STPG2: variants seen among roughly 807,000 people sequenced by gnomAD.
STPG2 encodes the protein sperm-tail PG-rich repeat-containing protein 2.
Under a neutral mutation model 54.2 loss-of-function variants are expected in STPG2, and 56 were observed. The observed-to-expected ratio is 1.03, with a 90% CI of 0.83 to 1.29. The LOEUF (loss-of-function observed/expected upper bound fraction) is 1.29. Ranked by LOEUF, STPG2 falls within the 50% of genes most tolerant of loss-of-function variation. The pLI is 0.00. For synonymous variants in STPG2, 200 were observed against 181.8 expected, an observed-to-expected ratio of 1.10 and a Z score of -0.81; for missense variants, 596 against 544.9, an observed-to-expected ratio of 1.09 and a Z score of -0.93.
intron 10 of STPG2, among the ~76,000 whole-genome samples, chr4:97,576,437 A>C (rs572935275): frequency 3.3e-5 from 5 of 152,104 alleles, no homozygotes; most frequent in Non-Finnish European, 7.4e-5. Flanking sequence ...TATGGAACAG[A>C]ATAGAGAACC....
chr4:97,509,780 G>A (rs1474858575), intron 4 of STPG2, among the ~76,000 whole-genome samples: 1 of 152,072 alleles, frequency 6.6e-6, no homozygotes, highest in African/African-American at 2.4e-5. Context: ...AGTGGTTTGT[G>A]CTTCAGAATT....
At chr4:97,631,598 T>C (rs992461456) in intron 10 of STPG2, among the ~76,000 whole-genome samples, 2 of 152,066 alleles carry the variant, frequency 1.3e-5, no homozygotes, top group Non-Finnish European at 2.9e-5. Context: ...TGATTTGAAA[T>C]TCTAAAAGCA....
chr4:97,865,789 T>C (rs891617068), intron 8 of STPG2, among the ~76,000 whole-genome samples: 1 of 152,054 alleles, frequency 6.6e-6, no homozygotes, highest in South Asian at 2.1e-4. Context: ...ACATGGCAGA[T>C]GTATACATAT....
chr4:98,051,000 A>G (rs4270593), intron 5 of STPG2, among the ~76,000 whole-genome samples: 59,077 of 150,454 alleles, frequency 0.39, 11,837 homozygotes, highest in Middle Eastern at 0.45. Flanking sequence ...GAGAGACTCC[A>G]TCTCAAAAAA....
At chr4:97,876,937 C>T (rs1056937252) in intron 8 of STPG2, among the ~76,000 whole-genome samples, 13 of 151,956 alleles carry the variant, frequency 8.6e-5, no homozygotes, top group African/African-American at 3.1e-4. Context: ...AAGATATTGT[C>T]CATTTTCAAT....
chr4:97,910,873 T>A (rs1180642500), intron 8 of STPG2, among the ~76,000 whole-genome samples: 2 of 152,124 alleles, frequency 1.3e-5, no homozygotes, highest in Non-Finnish European at 2.9e-5. Context: ...GATGACCAAT[T>A]AGAAGCAGCT....
intron 10 of STPG2, among the ~76,000 whole-genome samples, chr4:97,627,168 T>G (rs547892368): frequency 6.6e-6 from 1 of 152,204 alleles, no homozygotes; most frequent in African/African-American, 2.4e-5. Context: ...CTTTATTAAG[T>G]TATAAAGAAA....
At chr4:98,121,370 C>T (rs898786817) in intron 3 of STPG2, among the ~76,000 whole-genome samples, 37 of 126,148 alleles carry the variant, frequency 2.9e-4, no homozygotes, top group Non-Finnish European at 1.2e-4. Flanking sequence ...CTTGGCTATA[C>T]AGACTCTTTT....
intron 10 of STPG2, among the ~76,000 whole-genome samples, chr4:97,709,643 CAT>C (rs758165142): frequency 9.2e-5 from 14 of 151,600 alleles, no homozygotes; most frequent in Non-Finnish European, 2.1e-4. Context: ...AATATTCTCA[CAT>C]AGTCACTGTA....
intron 10 of STPG2, among the ~76,000 whole-genome samples, chr4:97,675,692 T>TGC (rs1014022714): frequency 6.6e-5 from 10 of 151,492 alleles, no homozygotes; most frequent in African/African-American, 1.2e-4. Context: ...TGTGTGTGTG[T>TGC]GCGCGCGCGT....
chr4:98,020,568 G>A (rs1431817551), intron 5 of STPG2, among the ~76,000 whole-genome samples: 1 of 152,054 alleles, frequency 6.6e-6, no homozygotes. Context: ...TTTTTCTATT[G>A]ATAGGAATAG....
chr4:98,029,996 C>T (rs1736542536), intron 5 of STPG2, among the ~76,000 whole-genome samples: 1 of 152,100 alleles, frequency 6.6e-6, no homozygotes, highest in Non-Finnish European at 1.5e-5. Flanking sequence ...TTGTCTTTCA[C>T]CTTGGAGGGG....
chr4:97,501,935 T>C (rs1469583857), intron 4 of STPG2, among the ~76,000 whole-genome samples: 3 of 151,652 alleles, frequency 2.0e-5, no homozygotes, highest in Non-Finnish European at 4.4e-5. Context: ...AGGACCAAAA[T>C]AGTCAAATTG....
intron 3 of STPG2, among the ~76,000 whole-genome samples, chr4:98,111,294 G>A (rs78262508): frequency 3.9e-5 from 6 of 152,228 alleles, no homozygotes; most frequent in African/African-American, 1.2e-4. Context: ...CTTAGGTAGC[G>A]AGTAGGGGGC....
intron 5 of STPG2, among the ~76,000 whole-genome samples, chr4:98,105,062 T>C (rs1739151380): frequency 6.6e-6 from 1 of 152,232 alleles, no homozygotes; most frequent in Non-Finnish European, 1.5e-5. Context: ...GTGTTCAAAC[T>C]GTGTTCAAAT....
chr4:97,947,611 C>T (rs866848176), intron 7 of STPG2, among the ~76,000 whole-genome samples: 7 of 152,020 alleles, frequency 4.6e-5, no homozygotes, highest in Non-Finnish European at 8.8e-5. Context: ...GGTTTTTAAT[C>T]ATAAAAAGAT....
At chr4:98,023,051 T>G (rs1410042581) in intron 5 of STPG2, among the ~76,000 whole-genome samples, 2 of 151,734 alleles carry the variant, frequency 1.3e-5, no homozygotes, top group African/African-American at 4.9e-5. Flanking sequence ...TTTGTTCTGT[T>G]ACTGGTGAGG....
Position 97,561,265 on chromosome 4 carries a change from G to C in STPG2, c.1321-2148C>G, listed in dbSNP as rs183810418. Among the ~76,000 whole-genome samples the C allele has an allele frequency of 7.4e-4, 112 of 152,198 alleles. 1 individual carries two copies. Among genetic ancestry groups the C allele is most frequent in the South Asian group, 2.1e-3 (10 of 4,814 alleles). On this transcript the variant is annotated intron_variant, in intron 10 of 10. Coordinates refer to ENST00000295268, the MANE Select transcript of STPG2 (RefSeq NM_174952.3). ...AAATGTCTTCTTTTGAGAAGTGTCT[G>C]TTCATGTCCTTTGCCCACTTTTTGA...
chr4:97,834,638 G>T (rs534282981), intron 9 of STPG2, among the ~76,000 whole-genome samples: 1 of 152,142 alleles, frequency 6.6e-6, no homozygotes, highest in Non-Finnish European at 1.5e-5. Context: ...TATGTTTCAA[G>T]AAATATGGTA....
Sources: allele counts gnomAD v4.1 joint callset (sites outside exome capture counted in the v4.1 genomes callset), GRCh38; gene constraint gnomAD v4.1.1; transcripts MANE v1.5; gene names NCBI Gene and HGNC (gene_info 2026-07-23, HGNC 2026-07-21).